Variants in CLVS1 observed in about 807,000 individuals in gnomAD.
CLVS1 encodes the protein clavesin-1.
A neutral mutation model predicts 33.1 loss-of-function variants in CLVS1; 10 were observed. The ratio of observed to expected loss-of-function variants is 0.30; its 90% confidence interval spans 0.19 to 0.51. The LOEUF is 0.51. Ranked by LOEUF, CLVS1 falls within the 20% of genes least tolerant of loss-of-function variation. The pLI is 0.97. For synonymous variants in CLVS1, 163 were observed against 166.1 expected, an observed-to-expected ratio of 0.98 and a Z score of 0.14; for missense variants, 343 against 433.4, an observed-to-expected ratio of 0.79 and a Z score of 1.85.
At chr8:61,288,964 G>A (rs1346467814) in intron 1 of CLVS1, among the ~76,000 whole-genome samples, 2 of 152,206 alleles carry the variant, frequency 1.3e-5, no homozygotes, top group African/African-American at 4.8e-5. Context: ...ACTTAAGAAA[G>A]GGGGCTCTCA....
intron 3 of CLVS1, among the ~76,000 whole-genome samples, chr8:61,396,150 G>A (rs112826203): frequency 0.021 from 3,147 of 151,998 alleles, 91 homozygotes; most frequent in African/African-American, 0.071. Flanking sequence ...CTTTGATTTG[G>A]GACTTCATTA....
chr8:61,226,545 C>T (rs531793953), intron 2 of CLVS1, among the ~76,000 whole-genome samples: 3 of 152,270 alleles, frequency 2.0e-5, no homozygotes, highest in East Asian at 3.9e-4. Flanking sequence ...CTTTGTGGAA[C>T]CTGAGTAGTG....
intron 5 of CLVS1, among the ~76,000 whole-genome samples, chr8:61,473,142 T>C (rs1817788979): frequency 6.6e-6 from 1 of 151,684 alleles, no homozygotes; most frequent in Admixed American, 6.6e-5. Context: ...AGCTGAAAAC[T>C]GGAATATGAG....
the CLVS1 span, among the ~76,000 whole-genome samples, chr8:61,041,462 C>G: frequency 6.6e-6 from 1 of 152,196 alleles, no homozygotes; most frequent in Non-Finnish European, 1.5e-5. Flanking sequence ...AATCCATGAT[C>G]ATGGAATGTT....
the CLVS1 span, among the ~76,000 whole-genome samples, chr8:60,971,311 T>C: frequency 1.3e-5 from 2 of 152,206 alleles, no homozygotes; most frequent in African/African-American, 2.4e-5. Flanking sequence ...GCTCCTGGGC[T>C]CAAGCCATCC....
chr8:61,277,178 G>C (rs747090933), intron 2 of CLVS1, among the ~76,000 whole-genome samples: 6 of 152,110 alleles, frequency 3.9e-5, no homozygotes. Flanking sequence ...ACTACCTTTA[G>C]GCTAAAGAAT....
chr8:61,116,096 G>C (rs1202293278), intron 1 of CLVS1, among the ~76,000 whole-genome samples: 1 of 151,590 alleles, frequency 6.6e-6, no homozygotes, highest in Non-Finnish European at 1.5e-5. Context: ...ATCTCATTGT[G>C]GTTTTGATTT....
intron 2 of CLVS1, among the ~76,000 whole-genome samples, chr8:61,320,247 T>A (rs1006255115): frequency 6.6e-6 from 1 of 152,170 alleles, no homozygotes; most frequent in Admixed American, 6.6e-5. Flanking sequence ...TAAGTTATAA[T>A]TGTTGTGGAT....
At chr8:60,985,676 G>A in the CLVS1 span, among the ~76,000 whole-genome samples, 1 of 152,248 alleles carries the variant, frequency 6.6e-6, no homozygotes, top group South Asian at 2.1e-4. Flanking sequence ...GGGGCATTTA[G>A]ATTGAACCCG....
the CLVS1 span, among the ~76,000 whole-genome samples, chr8:61,007,904 C>T: frequency 6.6e-6 from 1 of 152,124 alleles, no homozygotes; most frequent in Non-Finnish European, 1.5e-5. Context: ...TTGCTCTCAG[C>T]TGGGGAGGGC....
At chr8:61,069,827 A>G (rs768713252) in intron 1 of CLVS1, among the ~76,000 whole-genome samples, 1 of 151,558 alleles carries the variant, frequency 6.6e-6, no homozygotes, top group Non-Finnish European at 1.5e-5. Flanking sequence ...GTCTCGCTCT[A>G]TCTCCCATGC....
chr8:61,187,670 A>C (rs1164673032), intron 2 of CLVS1, among the ~76,000 whole-genome samples: 1 of 151,986 alleles, frequency 6.6e-6, no homozygotes, highest in Non-Finnish European at 1.5e-5. Context: ...TATTTCCAGC[A>C]ATGTCAGGCT....
intron 1 of CLVS1, among the ~76,000 whole-genome samples, chr8:61,074,002 T>C (rs1240389185): frequency 2.0e-5 from 2 of 101,640 alleles, no homozygotes; most frequent in Non-Finnish European, 3.5e-5. Flanking sequence ...ACAGTGAGAC[T>C]CCGTCTCAAA....
At chr8:61,240,975 C>T (rs1296539525) in intron 2 of CLVS1, among the ~76,000 whole-genome samples, 3 of 146,454 alleles carry the variant, frequency 2.0e-5, no homozygotes, top group Non-Finnish European at 3.0e-5. Flanking sequence ...CTGGGTGGCT[C>T]ATAAACAGAA....
At chr8:61,084,021 AT>A (rs1563396081) in intron 1 of CLVS1, among the ~76,000 whole-genome samples, 5 of 152,204 alleles carry the variant, frequency 3.3e-5, no homozygotes. Flanking sequence ...ACTAGACTGA[AT>A]TTTTTAAAAT....
chr8:61,157,181 C>G (rs941398934), intron 2 of CLVS1, among the ~76,000 whole-genome samples: 1 of 152,174 alleles, frequency 6.6e-6, no homozygotes. Flanking sequence ...TGGATTCTGA[C>G]CCCTGCTAAG....
chr8:61,132,334 G>A (rs536444390), intron 2 of CLVS1, among the ~76,000 whole-genome samples: 1 of 152,236 alleles, frequency 6.6e-6, no homozygotes, highest in Non-Finnish European at 1.5e-5. Context: ...CTGGAGATGA[G>A]GGGGCACAGG....
chr8:61,459,016 G>A (rs1817264441), intron 5 of CLVS1, among the ~76,000 whole-genome samples: 1 of 152,218 alleles, frequency 6.6e-6, no homozygotes, highest in South Asian at 2.1e-4. Context: ...AATCTTCCAA[G>A]TAAGACTTTT....
At chr8:61,001,753 G>C in the CLVS1 span, among the ~76,000 whole-genome samples, 1 of 152,238 alleles carries the variant, frequency 6.6e-6, no homozygotes, top group Admixed American at 6.5e-5. Context: ...CCCAAGCTCC[G>C]GCTAAACTCA....
Sources: allele counts gnomAD v4.1 joint callset (sites outside exome capture counted in the v4.1 genomes callset), GRCh38; gene constraint gnomAD v4.1.1; transcripts MANE v1.5; gene names NCBI Gene and HGNC (gene_info 2026-07-23, HGNC 2026-07-21).